UBE2L6: variants seen among roughly 807,000 people sequenced by gnomAD.
UBE2L6 encodes ubiquitin conjugating enzyme E2 L6.
UBE2L6 carries 11 observed loss-of-function variants against 13.6 expected under a neutral mutation model. The ratio of observed to expected loss-of-function variants is 0.81; its 90% CI spans 0.51 to 1.34. UBE2L6 has a LOEUF of 1.34. Ranked by LOEUF, UBE2L6 falls within the 40% of genes most tolerant of loss-of-function variation. UBE2L6 has a pLI of 0.00. For missense variants in UBE2L6, 197 were observed against 199.5 expected, an observed-to-expected ratio of 0.99 and a Z score of 0.07; for synonymous variants, 74 against 83.2, an observed-to-expected ratio of 0.89 and a Z score of 0.60.
chr11:57,560,601 G>A (rs977470759), intron 1 of UBE2L6, 169 bp from the exon 2 acceptor site: 10 of 561,622 alleles, frequency 1.8e-5, no homozygotes, highest in Non-Finnish European at 2.8e-5. Context: ...ATCAGGCATG[G>A]TGCTGGTGCT....
chr11:57,567,580 G>T lies in UBE2L6; in HGVS notation c.27+5C>A, dbSNP rs1256412642. ...AGAGAAAGGGGTCATCCTATACGCG[G>T]TTACCTTCACCACTCGCATGCTCGC... On this transcript the variant is annotated splice_donor_5th_base_variant and intron_variant, in intron 1 of 3. Coordinates refer to ENST00000287156, the MANE Select transcript of UBE2L6 (RefSeq NM_004223.5). The T allele has an allele frequency of 1.2e-6, 2 of 1,607,406 alleles. No homozygotes were observed. The highest frequency in any genetic ancestry group is 1.7e-6 in the Non-Finnish European group (2 of 1,177,952).
In UBE2L6 at chr11:57,552,472, A is replaced by G; in HGVS notation, c.348T>C (p.Asn116=). The G allele has an allele frequency of 2.5e-6, 4 of 1,614,146 alleles. No individual in the cohort carries two copies. The highest frequency in any genetic ancestry group is 3.4e-6 in the Non-Finnish European group (4 of 1,180,016). The part of the protein sequence containing the change: ...EALNVLVNRP[N]IREPLRMDLA... ...GGTCCATCCGCAGGGGCTCCCTGAT[A>G]TTCGGTCTATTCACCAGCACATTGA... The change falls in exon 4 of 4, where the codon AAT becomes AAC. Residue 116 remains asparagine, a synonymous_variant. Coordinates refer to ENST00000287156, the MANE Select transcript of UBE2L6 (RefSeq NM_004223.5).
chr11:57,554,972 A>C (rs1416483218), intron 2 of UBE2L6, among the ~76,000 whole-genome samples: 1 of 152,204 alleles, frequency 6.6e-6, no homozygotes, highest in African/African-American at 2.4e-5. Flanking sequence ...GAGATTATGG[A>C]AGAAAAGGAT....
intron 2 of UBE2L6, among the ~76,000 whole-genome samples, chr11:57,557,646 G>C (rs192017615): frequency 1.3e-5 from 2 of 152,000 alleles, no homozygotes; most frequent in Admixed American, 1.3e-4. Flanking sequence ...CGCCCTCCTC[G>C]GCCTCCCAAA....
chr11:57,555,901 G>C (rs986485793), intron 2 of UBE2L6, among the ~76,000 whole-genome samples: 8 of 152,072 alleles, frequency 5.3e-5, no homozygotes, highest in Admixed American at 3.9e-4. Flanking sequence ...TAATGACACT[G>C]AACTATATAC....
intron 2 of UBE2L6, among the ~76,000 whole-genome samples, chr11:57,555,947 T>C (rs552488949): frequency 1.7e-4 from 26 of 152,300 alleles, no homozygotes; most frequent in Admixed American, 1.5e-3. Flanking sequence ...TTGTTATGTG[T>C]ATTTTACTAT....
Position 57,552,214 on chromosome 11 carries a change from C to A in UBE2L6, c.*144G>T. 1.0e-6 allele frequency: 1 copy of A among 961,904 alleles called. No homozygotes were observed. The highest frequency in any genetic ancestry group is 1.5e-6 in the Non-Finnish European group (1 of 664,928). 59.6% of individuals were successfully genotyped at this position (961,904 alleles called of 1,614,324 possible). A position where few individuals can be genotyped will look rare whatever the true frequency, so the allele number is the denominator to read the frequency against. ...ACACTCATAGCTCCCTTCCCTCCAC[C>A]ACACACACACACAAACTAATGACTA... On this transcript the variant is annotated 3_prime_UTR_variant, in exon 4 of 4. Coordinates refer to ENST00000287156, the MANE Select transcript of UBE2L6 (RefSeq NM_004223.5).
At chr11:57,567,733 G>A, upstream of UBE2L6, 1 of 1,223,424 alleles carries the variant, frequency 8.2e-7, no homozygotes, top group Non-Finnish European at 1.1e-6. Flanking sequence ...CCCTCCTCCA[G>A]CCGTCGCTGC....
chr11:57,566,953 C>CG (rs969709748), intron 1 of UBE2L6: 11 of 178,244 alleles, frequency 6.2e-5, no homozygotes, highest in Non-Finnish European at 1.3e-4. Flanking sequence ...GCCCGCCCCC[C>CG]CCCCCCTCCT....
At chr11:57,560,895 C>T (rs910411717) in intron 1 of UBE2L6, among the ~76,000 whole-genome samples, 8 of 151,894 alleles carry the variant, frequency 5.3e-5, no homozygotes, top group African/African-American at 1.9e-4. Context: ...GCTGGGATTA[C>T]AGACGTGAGC....
upstream of UBE2L6, chr11:57,567,688 G>T: frequency 7.9e-7 from 1 of 1,261,624 alleles, no homozygotes; most frequent in Non-Finnish European, 1.0e-6. Flanking sequence ...GCCCCGCCCC[G>T]CCCCGGGGAC....
intron 3 of UBE2L6, among the ~76,000 whole-genome samples, chr11:57,554,061 T>C (rs1944978995): frequency 6.6e-6 from 1 of 152,112 alleles, no homozygotes; most frequent in South Asian, 2.1e-4. Context: ...AAGTGACAGG[T>C]ATTATCATTA....
At chr11:57,562,792 T>C (rs1311903876) in intron 1 of UBE2L6, among the ~76,000 whole-genome samples, 2 of 152,210 alleles carry the variant, frequency 1.3e-5, no homozygotes, top group African/African-American at 4.8e-5. Flanking sequence ...TGCCCCCTTA[T>C]GTAGACATGG....
At chr11:57,560,623 C>A in intron 1 of UBE2L6, 191 bp from the exon 2 acceptor site, 1 of 375,912 alleles carries the variant, frequency 2.7e-6, no homozygotes, top group Non-Finnish European at 4.8e-6. Context: ...TTTCTTTTTT[C>A]TTTTTTTTTT....
intron 1 of UBE2L6, among the ~76,000 whole-genome samples, chr11:57,563,481 CAAAAAA>C (rs35614262): frequency 8.6e-6 from 1 of 115,702 alleles, no homozygotes; most frequent in Admixed American, 9.2e-5. Context: ...AACTCTGTCT[CAAAAAA>C]AAAAAAAAAA....
chr11:57,557,271 C>T (rs1444889706), intron 2 of UBE2L6, among the ~76,000 whole-genome samples: 2 of 151,962 alleles, frequency 1.3e-5, no homozygotes, highest in Non-Finnish European at 2.9e-5. Flanking sequence ...CTGGCACCTG[C>T]TCGCTCTCTC....
At chr11:57,567,186 T>C (rs1268474551) in intron 1 of UBE2L6, 1 of 460,402 alleles carries the variant, frequency 2.2e-6, no homozygotes, top group African/African-American at 2.0e-5. Context: ...AGGCAAGGAC[T>C]TCATCCTGGT....
chr11:57,563,177 G>T (rs2848625), intron 1 of UBE2L6, among the ~76,000 whole-genome samples: 1 of 151,800 alleles, frequency 6.6e-6, no homozygotes, highest in African/African-American at 2.4e-5. Flanking sequence ...AAGAATCAAG[G>T]AGAAATTCCG....
At chr11:57,559,335 G>A (rs1945020661) in intron 2 of UBE2L6, among the ~76,000 whole-genome samples, 1 of 152,196 alleles carries the variant, frequency 6.6e-6, no homozygotes, top group African/African-American at 2.4e-5. Context: ...AATCCTGCCG[G>A]GTGTGGTGGC....
Sources: allele counts gnomAD v4.1 joint callset (sites outside exome capture counted in the v4.1 genomes callset), GRCh38; gene constraint gnomAD v4.1.1; transcripts MANE v1.5; gene names NCBI Gene and HGNC (gene_info 2026-07-23, HGNC 2026-07-21).